Variants in RAD21 observed in about 807,000 individuals in gnomAD.
RAD21 encodes the protein double-strand-break repair protein rad21 homolog.
RAD21 carries 18 observed loss-of-function variants against 71.5 expected under a neutral mutation model. The ratio of observed to expected loss-of-function variants is 0.25; its 90% CI spans 0.17 to 0.37. The LOEUF is 0.37. Among genes scored for constraint, RAD21 ranks in the 10% least tolerant of loss-of-function variants. The probability of loss-of-function intolerance (pLI) is 1.00; values close to 1 mark genes in which losing one functional copy is unlikely to be tolerated. For synonymous variants in RAD21, 248 were observed against 254.0 expected, an observed-to-expected ratio of 0.98 and a Z score of 0.22; for missense variants, 493 against 769.1, an observed-to-expected ratio of 0.64 and a Z score of 4.25.
Position 116,866,709 on chromosome 8 carries a change from A to T in RAD21, c.21T>A (p.Val7=). 6.2e-7 allele frequency: 1 copy of T among 1,612,396 alleles called. No individual in the cohort carries two copies. Among genetic ancestry groups the T allele is most frequent in the Non-Finnish European group, 8.5e-7 (1 of 1,179,292 alleles). Residue 7 remains valine (V), a synonymous_variant, in exon 2 of 14, where the codon GTT becomes GTA. Transcript: ENST00000297338. MFYAHF[V]LSKRGPLAKI... Reference sequence around the variant, plus strand: ...TGGCCAGAGGCCCTCTTTTACTGAGAACAAAATGTGCGTAGAACATTGTTC... The same window carrying T: ...TGGCCAGAGGCCCTCTTTTACTGAGTACAAAATGTGCGTAGAACATTGTTC...
chr8:116,871,458 A>T (rs1812821623), intron 1 of RAD21, among the ~76,000 whole-genome samples: 1 of 152,214 alleles, frequency 6.6e-6, no homozygotes, highest in South Asian at 2.1e-4. Context: ...GCAATTTAAG[A>T]CTGTTTCAAA....
intron 4 of RAD21, among the ~76,000 whole-genome samples, chr8:116,859,435 C>T (rs1812540667): frequency 6.6e-6 from 1 of 151,920 alleles, no homozygotes; most frequent in Non-Finnish European, 1.5e-5. Context: ...GGGGCGGGAT[C>T]TTACTATATT....
intron 13 of RAD21, among the ~76,000 whole-genome samples, chr8:116,848,294 CATCTAAA>C (rs1812284735): frequency 6.6e-6 from 1 of 152,278 alleles, no homozygotes; most frequent in East Asian, 1.9e-4. Flanking sequence ...TGTTATGGTA[CATCTAAA>C]ATCCAAATAA....
chr8:116,865,459 G>A (rs985968876), intron 2 of RAD21, among the ~76,000 whole-genome samples: 2 of 152,002 alleles, frequency 1.3e-5, no homozygotes, highest in East Asian at 1.9e-4. Context: ...AAATACCAAT[G>A]TTCTCATACA....
chr8:116,853,242 C>T (rs1039830861), intron 9 of RAD21, among the ~76,000 whole-genome samples: 1 of 152,056 alleles, frequency 6.6e-6, no homozygotes, highest in Non-Finnish European at 1.5e-5. Context: ...CCACACACGG[C>T]TAATTTTTAT....
intron 5 of RAD21, 112 bp from the exon 6 acceptor site, chr8:116,857,585 T>C (rs572548163): frequency 3.7e-5 from 33 of 899,336 alleles, no homozygotes; most frequent in Admixed American, 8.4e-5. Context: ...ACTGAAGTCT[T>C]ACTTCAAATG....
At chr8:116,853,312 C>T (rs541290094) in intron 9 of RAD21, among the ~76,000 whole-genome samples, 31 of 152,312 alleles carry the variant, frequency 2.0e-4, no homozygotes, top group Non-Finnish European at 3.5e-4. Flanking sequence ...CTCCTGACCT[C>T]AAGTGATCCA....
At position 116,847,357 on chromosome 8, in the gene RAD21, TG is replaced by T. The variant is rs1812269016; in HGVS notation, c.*142del. 3.0e-6 allele frequency: 2 copies of T among 674,102 alleles called. No homozygotes were observed. The highest frequency in any genetic ancestry group is 3.7e-5 in the African/African-American group (2 of 54,464). The allele number at this position is 674,102 out of a possible 1,614,324, so 41.8% of individuals were successfully genotyped here. A position where few individuals can be genotyped will look rare whatever the true frequency, so the allele number is the denominator to read the frequency against. ...GATGAAATTGACAAATTTAATGTAC[TG>T]GAAAAAAATGAAGAAGGAAAAAGGC... On this transcript the variant is annotated 3_prime_UTR_variant, in exon 14 of 14. Transcript: ENST00000297338.
Position 116,857,408 on chromosome 8 carries a change from A to G in RAD21, c.547T>C (p.Leu183=), listed in dbSNP as rs768586514. The G allele has an allele frequency of 1.1e-5, 18 of 1,613,458 alleles. No individual in the cohort carries two copies. The highest frequency in any genetic ancestry group is 1.5e-5 in the Non-Finnish European group (18 of 1,179,732). Residue 183 remains leucine, a synonymous_variant, in exon 6 of 14, where the codon TTA becomes CTA. Transcript: ENST00000297338. ...AGGTTAGAAGTAGTAGTGCTTACTA[A>G]CATGTCGTCATCCTCAAAAGCACTG... ...EGSAFEDDDM[L]VSTTTSNLLL...
intron 2 of RAD21, 51 bp downstream of exon 2, chr8:116,866,535 A>G (rs368841798): frequency 2.1e-5 from 32 of 1,534,062 alleles, no homozygotes; most frequent in Middle Eastern, 3.6e-4. Context: ...TCTATTTCAC[A>G]TATCAATAAA....
intron 9 of RAD21, among the ~76,000 whole-genome samples, chr8:116,853,790 A>G (rs1396198550): frequency 1.3e-5 from 2 of 152,190 alleles, no homozygotes; most frequent in Non-Finnish European, 2.9e-5. Context: ...ATTTTGGAAT[A>G]CTGTGGAATG....
chr8:116,860,876 A>G (rs1024811960), intron 4 of RAD21, among the ~76,000 whole-genome samples: 1 of 152,156 alleles, frequency 6.6e-6, no homozygotes, highest in Non-Finnish European at 1.5e-5. Context: ...ATGAAATAAG[A>G]TTATTGTTAC....
intron 12 of RAD21, among the ~76,000 whole-genome samples, 194 bp downstream of exon 12, chr8:116,850,424 G>A (rs1466329032): frequency 1.3e-5 from 2 of 152,174 alleles, no homozygotes; most frequent in Non-Finnish European, 2.9e-5. Context: ...GAGCCAATGA[G>A]TTACAGCGAA....
At chr8:116,861,242 C>G (rs1812586603) in intron 4 of RAD21, among the ~76,000 whole-genome samples, 1 of 151,838 alleles carries the variant, frequency 6.6e-6, no homozygotes. Context: ...TAATAAGTCA[C>G]TTGGAAAGCT....
At chr8:116,855,161 C>T (rs991415269) in intron 8 of RAD21, among the ~76,000 whole-genome samples, 27 of 152,250 alleles carry the variant, frequency 1.8e-4, no homozygotes, top group African/African-American at 6.5e-4. Flanking sequence ...AAAGATGTTA[C>T]ACAGTGAGAG....
rs1446139150 is a variant in RAD21 at position 116,846,821 on chromosome 8, T to A, written c.*679A>T. On this transcript the variant is annotated 3_prime_UTR_variant, in exon 14 of 14. Coordinates refer to ENST00000297338, the MANE Select transcript of RAD21 (RefSeq NM_006265.3). ...GCCTCACTAAAATAACAGATTTCAG[T>A]ATAGCCAAGTTCATCAGAAAGACTC... The A allele has an allele frequency of 9.1e-6, 2 of 220,186 alleles. No individual in the cohort carries two copies. Among genetic ancestry groups the A allele is most frequent in the African/African-American group, 2.2e-5 (1 of 44,598 alleles). The allele number at this position is 220,186 out of a possible 1,614,324, so 13.6% of individuals were successfully genotyped here.
At position 116,856,718 on chromosome 8, in the gene RAD21, G is replaced by A; in HGVS notation, c.742C>T (p.Leu248Phe). 6.3e-7 allele frequency: 1 copy of A among 1,574,816 alleles called. No homozygotes were observed. The highest frequency in any genetic ancestry group is 8.6e-7 in the Non-Finnish European group (1 of 1,157,398). The change falls in exon 7 of 14, where the codon CTC becomes TTC. Residue 248 changes from leucine to phenylalanine, a missense_variant. Physicochemically the swap from Leu to Phe is conservative, Grantham distance 22. Transcript: ENST00000297338. ...GGCAACATCACCCCTGCCTCAGAGAGGGCAGGGGGATCATCAAAGATACCG... is the reference window on the plus strand; with the variant it reads ...GGCAACATCACCCCTGCCTCAGAGAAGGCAGGGGGATCATCAAAGATACCG... ...DGGIFDDPPA[L>F]SEAGVMLPEQ...
chr8:116,858,782 C>T (rs1272663438), intron 4 of RAD21, among the ~76,000 whole-genome samples: 4 of 152,074 alleles, frequency 2.6e-5, no homozygotes, highest in Admixed American at 2.6e-4. Context: ...CTGCAACTTA[C>T]AGGCGGTGTA....
intron 4 of RAD21, 50 bp downstream of exon 4, chr8:116,861,791 C>T: frequency 7.4e-7 from 1 of 1,356,842 alleles, no homozygotes; most frequent in Non-Finnish European, 1.1e-6. Context: ...GCTAATACTA[C>T]TGCTTATTGC....
Sources: gnomAD v4.1 joint callset for allele counts (sites outside exome capture counted in the v4.1 genomes callset) on GRCh38, gnomAD v4.1.1 for gene constraint, MANE v1.5 for transcripts, NCBI Gene and HGNC (gene_info 2026-07-23, HGNC 2026-07-21) for gene names.